KCNH1: variants seen among roughly 807,000 people sequenced by gnomAD.
KCNH1 encodes potassium voltage-gated channel subfamily H member 1, also known as voltage-gated delayed rectifier potassium channel KCNH1.
A neutral mutation model predicts 69.2 loss-of-function variants in KCNH1; 27 were observed. The observed-to-expected ratio is 0.39, with a 90% CI of 0.29 to 0.54. The LOEUF is 0.54. Ranked by LOEUF, KCNH1 falls within the 20% of genes least tolerant of loss-of-function variation. The pLI, the probability that KCNH1 is intolerant of heterozygous loss-of-function variation, is 0.68. For synonymous variants in KCNH1, 456 were observed against 487.7 expected (o/e 0.93, Z 0.86); for missense variants, 798 against 1,261.6 (o/e 0.63, Z 5.57).
chr1:210,692,475 C>G (rs145976665), intron 10 of KCNH1, among the ~76,000 whole-genome samples: 1 of 152,186 alleles, frequency 6.6e-6, no homozygotes, highest in South Asian at 2.1e-4. Flanking sequence ...TCACCTTCTC[C>G]TTGTTTTGTG....
At chr1:210,752,202 C>T (rs903170805) in intron 10 of KCNH1, among the ~76,000 whole-genome samples, 5 of 152,130 alleles carry the variant, frequency 3.3e-5, no homozygotes, top group African/African-American at 9.7e-5. Flanking sequence ...AAGGAATCAT[C>T]GAAGATTTTA....
At position 210,869,131 on chromosome 1, in the gene KCNH1, G is replaced by A. The variant is rs114499520; in HGVS notation, c.1462+50509C>T. On this transcript the variant is annotated intron_variant, in intron 7 of 10. Coordinates refer to ENST00000271751, the MANE Select transcript of KCNH1 (RefSeq NM_172362.3). ...TTTAAAAGTTTCTGACAAGACATATGTGAGTATTGTTATCTTTGTTCCTCT... is the reference window on the plus strand; with the variant it reads ...TTTAAAAGTTTCTGACAAGACATATATGAGTATTGTTATCTTTGTTCCTCT... Among the ~76,000 whole-genome samples, 328 of 152,202 alleles carry A rather than the reference G, an allele frequency of 2.2e-3. 3 individuals are homozygous for A. The highest frequency in any genetic ancestry group is 7.8e-3 in the African/African-American group (324 of 41,554).
At chr1:211,064,916 C>A (rs1281830442) in intron 5 of KCNH1, among the ~76,000 whole-genome samples, 1 of 152,064 alleles carries the variant, frequency 6.6e-6, no homozygotes, top group Non-Finnish European at 1.5e-5. Context: ...CAGAGAAATG[C>A]AAATTTAAAT....
intron 7 of KCNH1, among the ~76,000 whole-genome samples, chr1:210,824,023 A>C (rs1368770059): frequency 2.6e-5 from 4 of 151,292 alleles, no homozygotes; most frequent in Admixed American, 2.6e-4. Context: ...CTGGTCTTGA[A>C]CTCCTGGCCT....
At chr1:210,762,327 A>G (rs1320982551) in intron 10 of KCNH1, among the ~76,000 whole-genome samples, 1 of 152,176 alleles carries the variant, frequency 6.6e-6, no homozygotes, top group Admixed American at 6.5e-5. Flanking sequence ...GAACTAGAAA[A>G]CAAGAACAAG....
intron 7 of KCNH1, among the ~76,000 whole-genome samples, chr1:210,916,005 C>T (rs1687326136): frequency 6.6e-6 from 1 of 152,114 alleles, no homozygotes; most frequent in Non-Finnish European, 1.5e-5. Flanking sequence ...GAGTGCTAGG[C>T]CTGACTACCA....
At chr1:210,798,285 C>T (rs527745660) in intron 8 of KCNH1, among the ~76,000 whole-genome samples, 18 of 152,192 alleles carry the variant, frequency 1.2e-4, no homozygotes, top group Non-Finnish European at 1.8e-4. Flanking sequence ...GTGATCCGCC[C>T]GCCTCGGCCT....
chr1:211,119,430 A>G (rs924849983), intron 1 of KCNH1, among the ~76,000 whole-genome samples: 25 of 152,226 alleles, frequency 1.6e-4, no homozygotes, highest in African/African-American at 6.0e-4. Context: ...TAAAGAATTG[A>G]AAGATAATGA....
intron 7 of KCNH1, chr1:210,861,814 T>G (rs550766548): frequency 1.3e-6 from 1 of 762,562 alleles, no homozygotes; most frequent in South Asian, 1.4e-5. Flanking sequence ...TTTATACTCA[T>G]AAGTTTTCAC....
intron 6 of KCNH1, among the ~76,000 whole-genome samples, chr1:210,952,075 A>G (rs572330629): frequency 4.9e-4 from 75 of 152,104 alleles, no homozygotes; most frequent in Non-Finnish European, 1.0e-3. Context: ...TCACCCAGAC[A>G]AGCTGCCTAG....
chr1:211,021,700 G>A (rs1402672955), intron 5 of KCNH1, among the ~76,000 whole-genome samples: 1 of 151,554 alleles, frequency 6.6e-6, no homozygotes, highest in Non-Finnish European at 1.5e-5. Context: ...CAAACAATCT[G>A]AAAATGAAAT....
In KCNH1 at chr1:210,680,026, G is replaced by A. The variant is rs1031968046; in HGVS notation, c.*3255C>T. 1 of 151,968 alleles carries A rather than the reference G, an allele frequency of 6.6e-6. No homozygotes were observed. The highest frequency in any genetic ancestry group is 1.5e-5 in the Non-Finnish European group (1 of 68,014). 9.4% of individuals were successfully genotyped at this position (151,968 alleles called of 1,614,324 possible). A position where few individuals can be genotyped will look rare whatever the true frequency, so the allele number is the denominator to read the frequency against. On this transcript the variant is annotated 3_prime_UTR_variant, in exon 11 of 11. Coordinates refer to ENST00000271751, the MANE Select transcript of KCNH1 (RefSeq NM_172362.3). ...GTTTCTCAACCAAATGGTCGTCTCT[G>A]TTTCCGTCCTTTGGCTATCTTGTCA...
chr1:211,104,540 A>T (rs1422214339), intron 2 of KCNH1, among the ~76,000 whole-genome samples: 1 of 152,190 alleles, frequency 6.6e-6, no homozygotes, highest in Non-Finnish European at 1.5e-5. Flanking sequence ...TCTAAAAATC[A>T]TGGTTTGTCC....
intron 7 of KCNH1, among the ~76,000 whole-genome samples, chr1:210,881,248 C>T (rs1319689259): frequency 6.6e-6 from 1 of 152,098 alleles, no homozygotes; most frequent in Non-Finnish European, 1.5e-5. Flanking sequence ...AGTAATCTGC[C>T]CACCTTGGCT....
chr1:210,891,964 A>T (rs1252932531), intron 7 of KCNH1, among the ~76,000 whole-genome samples: 1 of 152,210 alleles, frequency 6.6e-6, no homozygotes, highest in East Asian at 1.9e-4. Flanking sequence ...ACACAAGAAC[A>T]GAAAACCAAA....
intron 8 of KCNH1, among the ~76,000 whole-genome samples, chr1:210,802,799 C>T (rs968306085): frequency 6.6e-6 from 1 of 152,214 alleles, no homozygotes. Flanking sequence ...CTCTTGATCA[C>T]TGTTTCCTGG....
chr1:211,073,012 T>C (rs1407422170), intron 5 of KCNH1, among the ~76,000 whole-genome samples: 1 of 152,098 alleles, frequency 6.6e-6, no homozygotes, highest in African/African-American at 2.4e-5. Context: ...ACATATTGAT[T>C]AAAAAGTAAA....
chr1:210,716,431 CA>C (rs58725705), intron 10 of KCNH1, among the ~76,000 whole-genome samples: 2,234 of 91,942 alleles, frequency 0.024, 92 homozygotes, highest in African/African-American at 0.095. Context: ...GACTCCGTCT[CA>C]AAAAAAAAAA....
intron 6 of KCNH1, among the ~76,000 whole-genome samples, chr1:210,946,802 C>T (rs1241685298): frequency 2.0e-5 from 3 of 152,160 alleles, no homozygotes; most frequent in African/African-American, 2.4e-5. Context: ...CTGTCCTTCA[C>T]GTAGGCGGGT....
Sources: allele counts gnomAD v4.1 joint callset (sites outside exome capture counted in the v4.1 genomes callset), GRCh38; gene constraint gnomAD v4.1.1; transcripts MANE v1.5; gene names NCBI Gene and HGNC (gene_info 2026-07-23, HGNC 2026-07-21).